The following ATP9B variants were observed in gnomAD, a reference collection of about 807,000 sequenced individuals.
The protein encoded by ATP9B is ATPase phospholipid transporting 9B.
A neutral mutation model predicts 146.1 loss-of-function variants in ATP9B; 110 were observed. The observed-to-expected ratio is 0.75, with a 90% CI of 0.65 to 0.88. The LOEUF (loss-of-function observed/expected upper bound fraction) is 0.88, where lower values mean the gene tolerates loss of function less well. ATP9B is among the 40% of genes least tolerant of loss of function. ATP9B has a pLI of 0.00. For synonymous variants in ATP9B, 604 were observed against 569.7 expected (o/e 1.06, Z -0.86); for missense variants, 1,499 against 1,496.4 (o/e 1.00, Z -0.03).
At chr18:79,340,511 G>T (rs188695113) in intron 19 of ATP9B, 2 of 152,284 alleles carry the variant, frequency 1.3e-5, no homozygotes, top group Admixed American at 6.5e-5. Context: ...AAGAGCCACA[G>T]GTGGAGCGTG....
chr18:79,375,978 C>T lies in ATP9B; in HGVS notation c.3307+552C>T. The T allele has an allele frequency of 5.1e-6, 5 of 985,290 alleles. No homozygotes were observed. The African/African-American group carries it at 8.7e-5, about 17-fold the overall frequency. 61.0% of individuals were successfully genotyped at this position (985,290 alleles called of 1,614,324 possible). ...CGGAATTCAAGTAGCTAGTCATTAG[C>T]AGTACAGCTTGGTCCTGGTGAGTAG... On this transcript the variant is annotated intron_variant, in intron 29 of 29. Coordinates refer to ENST00000426216, the MANE Select transcript of ATP9B (RefSeq NM_198531.5).
rs1365122814 is a variant in ATP9B at position 79,096,616 on chromosome 18, T to C, written c.260T>C (p.Phe87Ser). Residue 87 changes from phenylalanine (F) to serine (S), a missense_variant, in exon 2 of 30, where the codon TTT (phenylalanine) becomes TCT (serine). Transcript: ENST00000426216. Reference sequence around the variant, plus strand: ...CAAAGGAAAAGAGGACTGGAGTGGTTTGTCTGTGATGGCTGGAAGTTCCTC... The same window carrying C: ...CAAAGGAAAAGAGGACTGGAGTGGTCTGTCTGTGATGGCTGGAAGTTCCTC... ...IMQRKRGLEWFVCDGWKFLCT... is the reference protein window; with the variant it reads ...IMQRKRGLEWSVCDGWKFLCT... The C allele has an allele frequency of 1.9e-6, 3 of 1,613,868 alleles. No individual in the cohort carries two copies. The highest frequency in any genetic ancestry group is 2.5e-6 in the Non-Finnish European group (3 of 1,179,888).
chr18:79,087,612 A>G (rs1389103610), intron 1 of ATP9B: 1 of 152,230 alleles, frequency 6.6e-6, no homozygotes, highest in African/African-American at 2.4e-5. Flanking sequence ...GTTTAATATC[A>G]GTTGTCTTCT....
intron 8 of ATP9B, among the ~76,000 whole-genome samples, chr18:79,187,574 T>C (rs565690190): frequency 6.6e-6 from 1 of 152,320 alleles, no homozygotes; most frequent in African/African-American, 2.4e-5. Context: ...GGAAGAAATA[T>C]GGAAGGTGGT....
intron 23 of ATP9B, 29 bp downstream of exon 23, chr18:79,345,868 G>A: frequency 6.2e-7 from 1 of 1,612,586 alleles, no homozygotes; most frequent in Non-Finnish European, 8.5e-7. Flanking sequence ...CAACACATTA[G>A]CACACAGTCA....
chr18:79,243,402 T>C (rs1235074248), intron 11 of ATP9B, among the ~76,000 whole-genome samples: 2 of 152,254 alleles, frequency 1.3e-5, no homozygotes, highest in Admixed American at 1.3e-4. Flanking sequence ...AGACAGCTAA[T>C]GGCTCTTGAT....
At chr18:79,085,339 G>C (rs1165611525) in intron 1 of ATP9B, 4 of 152,150 alleles carry the variant, frequency 2.6e-5, no homozygotes, top group Non-Finnish European at 5.9e-5. Flanking sequence ...AAATTTGCAG[G>C]GGACACACAT....
chr18:79,089,607 GA>G (rs139116798), intron 1 of ATP9B, among the ~76,000 whole-genome samples: 4,055 of 151,884 alleles, frequency 0.027, 200 homozygotes, highest in African/African-American at 0.093. Context: ...CCAGTCTTAT[GA>G]AAAAAAATTA....
At chr18:79,173,102 C>T (rs951279317) in intron 7 of ATP9B, among the ~76,000 whole-genome samples, 7 of 152,136 alleles carry the variant, frequency 4.6e-5, no homozygotes, top group African/African-American at 1.7e-4. Flanking sequence ...ACGTTGAGCA[C>T]GTTCTTGCTG....
chr18:79,136,318 A>G (rs1027098759), intron 5 of ATP9B, among the ~76,000 whole-genome samples: 125 of 152,272 alleles, frequency 8.2e-4, no homozygotes, highest in African/African-American at 2.9e-3. Flanking sequence ...CTTCCCCTTT[A>G]AAATTTTTTT....
intron 13 of ATP9B, among the ~76,000 whole-genome samples, chr18:79,292,484 C>A (rs146320651): frequency 6.6e-6 from 1 of 152,094 alleles, no homozygotes. Context: ...TGTGTTAAGA[C>A]GGCAACAATT....
chr18:79,137,906 T>C (rs1001065671), intron 5 of ATP9B, among the ~76,000 whole-genome samples: 1 of 152,184 alleles, frequency 6.6e-6, no homozygotes, highest in African/African-American at 2.4e-5. Flanking sequence ...CCTTTAAAGG[T>C]GTGCCATTGT....
chr18:79,334,532 G>T (rs2096810183), intron 17 of ATP9B, among the ~76,000 whole-genome samples: 2 of 152,074 alleles, frequency 1.3e-5, no homozygotes, highest in Admixed American at 1.3e-4. Flanking sequence ...CTGTATCCCT[G>T]GAAGAGAGCC....
At chr18:79,117,777 G>A (rs538509962) in intron 4 of ATP9B, 4 of 152,332 alleles carry the variant, frequency 2.6e-5, no homozygotes, top group Non-Finnish European at 5.9e-5. Context: ...GTGGAAGAGA[G>A]TATAGATAAC....
chr18:79,233,383 C>A (rs946333013), intron 11 of ATP9B, among the ~76,000 whole-genome samples: 3 of 152,168 alleles, frequency 2.0e-5, no homozygotes, highest in Non-Finnish European at 4.4e-5. Flanking sequence ...TGAGATCTTT[C>A]CAAGACACTA....
At position 79,376,216 on chromosome 18, in the gene ATP9B, A is replaced by C. The variant is rs376620841; in HGVS notation, c.3307+790A>C. On this transcript the variant is annotated intron_variant, in intron 29 of 29. Transcript: ENST00000426216. ...ACACACACACACACACACACACACA[A>C]AACAAAACAAAAAAATGGCTAGCCT... 606 of 767,590 alleles carry C rather than the reference A, an allele frequency of 7.9e-4. 6 individuals carry two copies. The African/African-American group carries it at 8.9e-3, about 11-fold the overall frequency. 47.5% of individuals were successfully genotyped at this position (767,590 alleles called of 1,614,324 possible).
At chr18:79,101,060 C>T (rs764145752) in intron 2 of ATP9B, among the ~76,000 whole-genome samples, 1 of 151,842 alleles carries the variant, frequency 6.6e-6, no homozygotes, top group Non-Finnish European at 1.5e-5. Context: ...GTTGTTACAT[C>T]TTATGTAACT....
At chr18:79,283,571 G>A (rs1220204761) in intron 13 of ATP9B, among the ~76,000 whole-genome samples, 1 of 152,190 alleles carries the variant, frequency 6.6e-6, no homozygotes, top group Non-Finnish European at 1.5e-5. Flanking sequence ...AGAAAGCAAT[G>A]TGGTATAATT....
chr18:79,315,430 A>C (rs2096673977), intron 15 of ATP9B, among the ~76,000 whole-genome samples: 1 of 152,254 alleles, frequency 6.6e-6, no homozygotes, highest in Admixed American at 6.5e-5. Flanking sequence ...TCAGATGATC[A>C]AATTGCATCT....
Sources: gnomAD v4.1 joint callset for allele counts (sites outside exome capture counted in the v4.1 genomes callset) on GRCh38, gnomAD v4.1.1 for gene constraint, MANE v1.5 for transcripts, NCBI Gene and HGNC (gene_info 2026-07-23, HGNC 2026-07-21) for gene names.